ZER1: variants seen among roughly 807,000 people sequenced by gnomAD.
The protein encoded by ZER1 is protein zer-1 homolog.
In ZER1, 11 loss-of-function variants were observed where a neutral mutation model predicts 78.8. The observed-to-expected ratio is 0.14, with a 90% CI of 0.09 to 0.23. ZER1 has a LOEUF of 0.23. Among genes scored for constraint, ZER1 ranks in the 10% least tolerant of loss-of-function variants. The pLI is 1.00. For missense variants in ZER1, 588 were observed against 996.9 expected, an observed-to-expected ratio of 0.59 and a Z score of 5.52; for synonymous variants, 400 against 407.0, an observed-to-expected ratio of 0.98 and a Z score of 0.21.
intron 1 of ZER1, among the ~76,000 whole-genome samples, chr9:128,757,625 G>A (rs910976165): frequency 7.9e-5 from 12 of 152,104 alleles, no homozygotes; most frequent in African/African-American, 2.7e-4. Flanking sequence ...TACTATTAGG[G>A]AAGTGCACAG....
At chr9:128,758,948 T>G (rs1231884267) in intron 1 of ZER1, among the ~76,000 whole-genome samples, 1 of 152,090 alleles carries the variant, frequency 6.6e-6, no homozygotes, top group Non-Finnish European at 1.5e-5. Context: ...TCGCTTACTG[T>G]GTGAATCTTC....
At chr9:128,768,845 A>G (rs1283758769) in intron 1 of ZER1, among the ~76,000 whole-genome samples, 2 of 152,168 alleles carry the variant, frequency 1.3e-5, no homozygotes, top group African/African-American at 4.8e-5. Flanking sequence ...ATCTAGGCCC[A>G]GCATACACTG....
In ZER1 at chr9:128,752,675, G is replaced by T; in HGVS notation, c.921C>A (p.Thr307=). The stretch of plus-strand genomic sequence containing the variant: ...AGCCATGGAGGCTGGGGCCCCACCT[G>T]GTCTGCCCCGCTTCCTCTTCCATCT... ...ISKMEEEAGQ[T]SIEPSKSSII... is the part of the protein sequence containing the mutation. The change falls in exon 5 of 16, where the codon ACC becomes ACA. Residue 307 remains threonine, a splice_region_variant and synonymous_variant. Transcript: ENST00000291900. The T allele has an allele frequency of 6.2e-7, 1 of 1,611,382 alleles. No homozygotes were observed. The highest frequency in any genetic ancestry group is 8.5e-7 in the Non-Finnish European group (1 of 1,178,696).
At position 128,751,260 on chromosome 9, in the gene ZER1, A is replaced by C; in HGVS notation, c.1047T>G (p.Gly349=). The change falls in exon 7 of 16, where the codon GGT becomes GGG. Residue 349 remains glycine, a synonymous_variant. Coordinates refer to ENST00000291900, the MANE Select transcript of ZER1 (RefSeq NM_006336.4). The surrounding 1 kb of genome is among the most constrained non-coding windows in gnomAD (Gnocchi z 5.4). Reference sequence around the variant, plus strand: ...TCAGCACCTGCTCTTCGTTTTTGTCACCACTTACCTGCGGGTGGGACACGC... The same window carrying C: ...TCAGCACCTGCTCTTCGTTTTTGTCCCCACTTACCTGCGGGTGGGACACGC... ...LTHIPAYKVS[G]DKNEEQVLNA... 1.3e-6 allele frequency: 2 copies of C among 1,596,906 alleles called. No homozygotes were observed. Among genetic ancestry groups the C allele is most frequent in the Admixed American group, 3.4e-5 (2 of 59,490 alleles).
chr9:128,752,936 G>C (rs1031384042), intron 4 of ZER1, 87 bp from the exon 5 acceptor site: 1 of 1,493,064 alleles, frequency 6.7e-7, no homozygotes, highest in African/African-American at 1.4e-5. Flanking sequence ...GTCTGTAGCA[G>C]GGGAGGGCCC....
Position 128,751,185 on chromosome 9 carries a change from G to C in ZER1, c.1122C>G (p.Ala374=). The change falls in exon 7 of 16, where the codon GCC becomes GCG. Residue 374 remains alanine (A), a synonymous_variant. Transcript: ENST00000291900. This position sits in a 1 kb window ranked among gnomAD's most constrained non-coding sequence, Gnocchi z 5.4. ...GGGCGATGTCAAAAAGCAAGTTGAT[G>C]GCCCGCGAGGTGATCTCAGGCCGGT... The part of the protein sequence containing the change: ...TEHRPEITSR[A]INLLFDIARI... 6.2e-7 allele frequency: 1 copy of C among 1,608,218 alleles called. No individual in the cohort carries two copies. Among genetic ancestry groups the C allele is most frequent in the African/African-American group, 1.3e-5 (1 of 74,958 alleles).
Position 128,749,026 on chromosome 9 carries a change from A to AATAT in ZER1, c.1359+1586_1359+1589dup, listed in dbSNP as rs376684927. On this transcript the variant is annotated intron_variant, in intron 8 of 15. Transcript: ENST00000291900. The stretch of plus-strand genomic sequence containing the variant: ...CAGCCTGAGACCCTGTCTTAATTAA[A>AATAT]ATATATATATATATATTGTGGCTGA... Among the ~76,000 whole-genome samples the AATAT allele has an allele frequency of 5.4e-3, 784 of 144,276 alleles. 6 individuals carry two copies. Among genetic ancestry groups the AATAT allele is most frequent in the African/African-American group, 0.019 (750 of 39,670 alleles). The allele number at this position is 144,276 out of a possible 152,430, so 94.7% of individuals were successfully genotyped here.
At chr9:128,760,001 TG>T (rs1863992100) in intron 1 of ZER1, among the ~76,000 whole-genome samples, 1 of 152,052 alleles carries the variant, frequency 6.6e-6, no homozygotes, top group Admixed American at 6.6e-5. Flanking sequence ...CACCTCAGCC[TG>T]TTGAGTAGCT....
At chr9:128,735,564 G>A (rs1370751091) in intron 13 of ZER1, 133 bp from the exon 14 acceptor site, 8 of 839,984 alleles carry the variant, frequency 9.5e-6, no homozygotes, top group South Asian at 7.0e-5. Context: ...AGGGAGAAGG[G>A]ACAGCTGGCC....
At chr9:128,734,144 A>AAAAATATATATATATATAT in intron 14 of ZER1, among the ~76,000 whole-genome samples, 2 of 14,446 alleles carry the variant, frequency 1.4e-4, no homozygotes, top group African/African-American at 1.9e-4. Context: ...AAAAAAAAAA[A>AAAAATATATATATATATAT]ATATATATAT....
Position 128,752,755 on chromosome 9 carries a change from G to T in ZER1, c.841C>A (p.Leu281Ile), listed in dbSNP as rs1336679984. 3 of 1,614,176 alleles carry T rather than the reference G, an allele frequency of 1.9e-6. No homozygotes were observed. The highest frequency in any genetic ancestry group is 1.7e-5 in the Admixed American group (1 of 60,004). The stretch of plus-strand genomic sequence containing the variant: ...TGGCCAGAGATGTCCAGGGACATTA[G>T]GTTCCCCAGCTTCTGCACAAAGAGG... The part of the protein sequence containing the change: ...LSLFVQKLGN[L>I]MSLDISGHMI... The change falls in exon 5 of 16, where the codon CTA (leucine) becomes ATA (isoleucine). Residue 281 changes from leucine to isoleucine, a missense_variant. Leu to Ile is a conservative substitution (Grantham distance 5). Around this residue, in one of 3 missense-constraint regions of ZER1, gnomAD observed 406 missense variants for 660.1 expected, o/e 0.62. Coordinates refer to ENST00000291900, the MANE Select transcript of ZER1 (RefSeq NM_006336.4).
intron 1 of ZER1, among the ~76,000 whole-genome samples, chr9:128,766,613 A>C (rs968507507): frequency 6.6e-6 from 1 of 152,038 alleles, no homozygotes; most frequent in African/African-American, 2.4e-5. Flanking sequence ...TGGGAGGCCA[A>C]GGCAGGTGGA....
rs1247527029 is a variant in ZER1 at position 128,738,067 on chromosome 9, C to T, written c.2042+1864G>A. Among the ~76,000 whole-genome samples the T allele has an allele frequency of 9.0e-5, 12 of 133,588 alleles. No homozygotes were observed. The South Asian group carries it at 1.9e-3, about 22-fold the overall frequency. The allele number at this position is 133,588 out of a possible 152,430, so 87.6% of individuals were successfully genotyped here. ...TATTTTTATTTATTTATTTTTGAGA[C>T]GGAGTCTCGCTCTGTCGCCCAGGCT... On this transcript the variant is annotated intron_variant, in intron 13 of 15. Coordinates refer to ENST00000291900, the MANE Select transcript of ZER1 (RefSeq NM_006336.4).
At chr9:128,741,986 C>T in intron 9 of ZER1, 145 bp from the exon 10 acceptor site, 9 of 1,116,994 alleles carry the variant, frequency 8.1e-6, no homozygotes, top group Non-Finnish European at 1.2e-5. Flanking sequence ...TTGGGGGAGG[C>T]TATTTGAAGG....
rs536635263 is a variant in ZER1 at position 128,740,453 on chromosome 9, G to A, written c.1853+319C>T. On this transcript the variant is annotated intron_variant, in intron 12 of 15. Coordinates refer to ENST00000291900, the MANE Select transcript of ZER1 (RefSeq NM_006336.4). This position sits in a 1 kb window ranked among gnomAD's most constrained non-coding sequence, Gnocchi z 4.4. ...AAATTAGCTGGGCGTGGTGGCAGGC[G>A]CCTGTAGTCTCAGCTACTCGGGAGG... Among the ~76,000 whole-genome samples, 9 of 152,020 alleles carry A rather than the reference G, an allele frequency of 5.9e-5. No individual in the cohort carries two copies. The East Asian group carries it at 1.4e-3, about 23-fold the overall frequency.
At chr9:128,765,781 G>A (rs1373756471) in intron 1 of ZER1, among the ~76,000 whole-genome samples, 1 of 152,242 alleles carries the variant, frequency 6.6e-6, no homozygotes, top group East Asian at 1.9e-4. Flanking sequence ...GTCACAGCAA[G>A]TGTGGGGATC....
At chr9:128,734,518 G>C (rs1253821940) in intron 14 of ZER1, among the ~76,000 whole-genome samples, 1 of 150,960 alleles carries the variant, frequency 6.6e-6, no homozygotes, top group Non-Finnish European at 1.5e-5. Flanking sequence ...TTTTTAAGTA[G>C]AGACAGGGTT....
chr9:128,750,735 C>T lies in ZER1; in HGVS notation c.1240G>A (p.Gly414Ser). 3 of 1,614,220 alleles carry T rather than the reference C, an allele frequency of 1.9e-6. No individual in the cohort carries two copies. Among genetic ancestry groups the T allele is most frequent in the Non-Finnish European group, 2.5e-6 (3 of 1,180,046 alleles). The change falls in exon 8 of 16, where the codon GGC becomes AGC. Residue 414 changes from glycine (G) to serine (S), a missense_variant. Around this residue, in one of 3 missense-constraint regions of ZER1, gnomAD observed 406 missense variants for 660.1 expected, o/e 0.62. Transcript: ENST00000291900. ...GTTAGGTAGAAGAGAGCGGCGCTGC[C>T]TGTCACTTGAATGTTCCTGTCATAT... Reference protein sequence around the residue: ...HKYDRNIQVTGSAALFYLTNS... With the variant: ...HKYDRNIQVTSSAALFYLTNS...
chr9:128,740,065 G>A lies in ZER1; in HGVS notation c.1908C>T (p.Gly636=), dbSNP rs749683407. Reference sequence around the variant, plus strand: ...CATCAAACATGATGTGGGAGAGGACGCCGCAGGCATTGTAGGAAACCTCGA... The same window carrying A: ...CATCAAACATGATGTGGGAGAGGACACCGCAGGCATTGTAGGAAACCTCGA... ...DGIEVSYNAC[G]VLSHIMFDGP... The change falls in exon 13 of 16, where the codon GGC becomes GGT. Residue 636 remains glycine (G), a synonymous_variant. Coordinates refer to ENST00000291900, the MANE Select transcript of ZER1 (RefSeq NM_006336.4). The surrounding 1 kb of genome is among the most constrained non-coding windows in gnomAD (Gnocchi z 4.4). The A allele has an allele frequency of 3.7e-6, 6 of 1,613,608 alleles. No individual in the cohort carries two copies. The African/African-American group carries it at 4.0e-5, about 11-fold the overall frequency.
Sources: allele counts gnomAD v4.1 joint callset (sites outside exome capture counted in the v4.1 genomes callset), GRCh38; gene constraint gnomAD v4.1.1; regional missense constraint gnomAD v4.1.1; non-coding constraint Gnocchi (gnomAD v3.1); transcripts MANE v1.5; gene names NCBI Gene and HGNC (gene_info 2026-07-23, HGNC 2026-07-21).